Variants in CD22 observed in about 807,000 individuals in gnomAD.
The protein encoded by CD22 is B-cell receptor CD22.
Under a neutral mutation model 94.7 loss-of-function variants are expected in CD22, and 51 were observed. The observed-to-expected ratio is 0.54, with a 90% CI of 0.43 to 0.68. CD22 has a LOEUF of 0.68. Among genes scored for constraint, CD22 ranks in the 30% least tolerant of loss-of-function variants. The pLI, the probability that CD22 is intolerant of heterozygous loss-of-function variation, is 0.00. For missense variants in CD22, 931 were observed against 1,060.4 expected (o/e 0.88, Z 1.69); for synonymous variants, 424 against 422.5 (o/e 1.00, Z -0.04).
At chr19:35,345,335 C>T (rs1046335333) in intron 11 of CD22, 24 of 563,778 alleles carry the variant, frequency 4.3e-5, no homozygotes, top group Admixed American at 9.1e-5. Flanking sequence ...GCAGGAGAAT[C>T]GCTTGAACCT....
At position 35,344,853 on chromosome 19, in the gene CD22, G is replaced by A. The variant is rs371289554; in HGVS notation, c.2060G>A (p.Arg687Gln). The A allele has an allele frequency of 1.9e-5, 30 of 1,613,282 alleles. No individual in the cohort carries two copies. Among genetic ancestry groups the A allele is most frequent in the Middle Eastern group, 1.6e-4 (1 of 6,082 alleles). The change falls in exon 10 of 14, where the codon CGA becomes CAA. Residue 687 changes from arginine (R) to glutamine (Q), a missense_variant. Transcript: ENST00000085219. ...GATAGCCCGGAGACCATCGGCAGGC[G>A]AGTGGCTGTGGGACTCGGGTCCTGC... ...VYYSPETIGR[R>Q]VAVGLGSCLA...
Position 35,341,221 on chromosome 19 carries a change from G to T in CD22, c.1507+83G>T, listed in dbSNP as rs1166686369. ...TGAAGGCAACGAGGCCGGAGCCTGG[G>T]CCAGTGTCTTCAACAGAATTGAGGG... On this transcript the variant is annotated intron_variant, in intron 7 of 13. Transcript: ENST00000085219. The surrounding 1 kb of genome is among the most constrained non-coding windows in gnomAD (Gnocchi z 4.0). 6.2e-7 allele frequency: 1 copy of T among 1,602,760 alleles called. No homozygotes were observed. The highest frequency in any genetic ancestry group is 1.7e-5 in the Admixed American group (1 of 59,486).
intron 6 of CD22, 42 bp from the exon 7 acceptor site, chr19:35,340,839 A>G (rs2066797088): frequency 1.9e-6 from 3 of 1,612,282 alleles, no homozygotes; most frequent in Admixed American, 1.7e-5. Context: ...GGTACTGTGG[A>G]CAGCTGGCTT....
At chr19:35,334,000 C>T (rs537913233) in intron 3 of CD22, among the ~76,000 whole-genome samples, 3 of 152,244 alleles carry the variant, frequency 2.0e-5, no homozygotes, top group South Asian at 4.1e-4. Flanking sequence ...GCTCCCGATG[C>T]GTAGTCAGCC....
chr19:35,344,490 G>A (rs1368907506), intron 9 of CD22, among the ~76,000 whole-genome samples: 1 of 152,266 alleles, frequency 6.6e-6, no homozygotes, highest in Admixed American at 6.5e-5. Context: ...GCATTCCCAT[G>A]TGGAATTGCT....
chr19:35,335,939 G>T, intron 3 of CD22, 97 bp from the exon 4 acceptor site: 1 of 961,258 alleles, frequency 1.0e-6, no homozygotes, highest in Non-Finnish European at 1.6e-6. Context: ...GTGGCAAGGG[G>T]TTCCTGAGGG....
Position 35,336,276 on chromosome 19 carries a change from C to T in CD22, c.653C>T (p.Thr218Ile), listed in dbSNP as rs546283676. ...PQWSHHGKIV[T>I]CQLQDADGKF... ...TGGAGTCACCATGGGAAGATTGTGA[C>T]CTGCCAGCTTCAGGATGCAGATGGG... Residue 218 changes from threonine (T) to isoleucine (I), a missense_variant, in exon 4 of 14, where the codon ACC becomes ATC. Physicochemically the swap from Thr to Ile is moderately conservative, Grantham distance 89. Coordinates refer to ENST00000085219, the MANE Select transcript of CD22 (RefSeq NM_001771.4). 3 of 1,614,206 alleles carry T rather than the reference C, an allele frequency of 1.9e-6. No homozygotes were observed. The highest frequency in any genetic ancestry group is 2.2e-5 in the South Asian group (2 of 91,086).
In CD22 at chr19:35,341,912, G is replaced by A. The variant is rs1192701243; in HGVS notation, c.1982G>A (p.Gly661Glu). 4 of 1,613,908 alleles carry A rather than the reference G, an allele frequency of 2.5e-6. No individual in the cohort carries two copies. Among genetic ancestry groups the A allele is most frequent in the Non-Finnish European group, 3.4e-6 (4 of 1,179,970 alleles). Residue 661 changes from glycine to glutamate, a missense_variant, in exon 9 of 14, where the codon GGG (glycine) becomes GAG (glutamate). Gly to Glu is a moderately conservative substitution (Grantham distance 98). Transcript: ENST00000085219. The surrounding 1 kb of genome is among the most constrained non-coding windows in gnomAD (Gnocchi z 4.0). ...VQHSGAYWCQ[G>E]TNSVGKGRSP... ...CACTCGGGTGCCTACTGGTGCCAGG[G>A]GACCAACAGTGTGGGCAAGGGCCGT...
intron 4 of CD22, 95 bp downstream of exon 4, chr19:35,336,436 T>C: frequency 8.0e-7 from 1 of 1,249,050 alleles, no homozygotes; most frequent in Non-Finnish European, 1.1e-6. Context: ...GGGGGAAGCC[T>C]GCACAGACGG....
chr19:35,345,746 C>T (rs961005045), intron 12 of CD22, 26 bp downstream of exon 12: 1 of 1,473,128 alleles, frequency 6.8e-7, no homozygotes, highest in South Asian at 1.1e-5. Flanking sequence ...GGAGGGTGAC[C>T]CTGCACCCTG....
At chr19:35,338,717 C>T (rs1188415151) in intron 6 of CD22, among the ~76,000 whole-genome samples, 1 of 151,996 alleles carries the variant, frequency 6.6e-6, no homozygotes, top group Non-Finnish European at 1.5e-5. Flanking sequence ...CAAGCTCCAC[C>T]TTCCCGGGTT....
intron 11 of CD22, 35 bp from the exon 12 acceptor site, chr19:35,345,567 A>G: frequency 7.5e-7 from 1 of 1,340,028 alleles, no homozygotes; most frequent in Non-Finnish European, 1.1e-6. Flanking sequence ...GTTGGGGAAC[A>G]GGTGGTTAGC....
chr19:35,344,598 G>A (rs930869664), intron 9 of CD22: 35 of 513,808 alleles, frequency 6.8e-5, no homozygotes, highest in South Asian at 1.6e-4. Context: ...GGCTCTGGGC[G>A]TGCCACGTCT....
chr19:35,337,872 G>A lies in CD22; in HGVS notation c.836G>A (p.Trp279Ter). ...SSNPEYTTVS[W>*]LKDGTSLKKQ... Reference sequence around the variant, plus strand: ...AACCCGGAGTACACGACGGTATCCTGGCTCAAGGATGGGACCTCGCTGAAG... The same window carrying A: ...AACCCGGAGTACACGACGGTATCCTAGCTCAAGGATGGGACCTCGCTGAAG... The change falls in exon 5 of 14, where the codon TGG (tryptophan) becomes TAG (stop). Residue 279 changes from tryptophan (W) to a stop codon, truncating the protein, a stop_gained. Transcript: ENST00000085219. LOFTEE classifies it high-confidence loss of function. The surrounding 1 kb of genome is among the most constrained non-coding windows in gnomAD (Gnocchi z 4.4). 3 of 1,614,188 alleles carry A rather than the reference G, an allele frequency of 1.9e-6. No individual in the cohort carries two copies. Among genetic ancestry groups the A allele is most frequent in the Non-Finnish European group, 2.5e-6 (3 of 1,180,022 alleles).
chr19:35,341,253 G>A lies in CD22; in HGVS notation c.1508-90G>A. Reference sequence around the variant, plus strand: ...TCTTCAACAGAATTGAGGGACAGGAGCCTGGCGTCAGGGCCAAGGGGAGGG... The same window carrying A: ...TCTTCAACAGAATTGAGGGACAGGAACCTGGCGTCAGGGCCAAGGGGAGGG... On this transcript the variant is annotated intron_variant, in intron 7 of 13. Coordinates refer to ENST00000085219, the MANE Select transcript of CD22 (RefSeq NM_001771.4). The surrounding 1 kb of genome is among the most constrained non-coding windows in gnomAD (Gnocchi z 4.0). 1.3e-6 allele frequency: 2 copies of A among 1,594,184 alleles called. No homozygotes were observed. Among genetic ancestry groups the A allele is most frequent in the Non-Finnish European group, 1.7e-6 (2 of 1,167,884 alleles).
intron 3 of CD22, among the ~76,000 whole-genome samples, chr19:35,335,042 C>CACTCCAGTCCG (rs1452294079): frequency 7.3e-6 from 1 of 136,722 alleles, no homozygotes; most frequent in Middle Eastern, 4.1e-3. Context: ...CACGCCACTA[C>CACTCCAGTCCG]ACTCCAGTCC....
chr19:35,336,558 T>A, intron 4 of CD22: 1 of 557,016 alleles, frequency 1.8e-6, no homozygotes, highest in East Asian at 2.9e-5. Flanking sequence ...TGACATGAAT[T>A]GGGGATTATC....
In CD22 at chr19:35,345,198, A is replaced by G. The variant is rs7249089; in HGVS notation, c.2208+72A>G. Reference sequence around the variant, plus strand: ...TTTGGGAGGCTGAGGCAGGTGGATCACCTGAGGTCAGGAGTTCGAGACCAG... The same window carrying G: ...TTTGGGAGGCTGAGGCAGGTGGATCGCCTGAGGTCAGGAGTTCGAGACCAG... On this transcript the variant is annotated intron_variant, in intron 11 of 13. Coordinates refer to ENST00000085219, the MANE Select transcript of CD22 (RefSeq NM_001771.4). 2.3e-6 allele frequency: 3 copies of G among 1,333,246 alleles called. No homozygotes were observed. In the African/African-American group the frequency reaches 4.3e-5, roughly 19 times the overall value. 82.6% of individuals were successfully genotyped at this position (1,333,246 alleles called of 1,614,324 possible). A position where few individuals can be genotyped will look rare whatever the true frequency, so the allele number is the denominator to read the frequency against.
chr19:35,341,199 A>C lies in CD22; in HGVS notation c.1507+61A>C. The C allele has an allele frequency of 1.9e-6, 3 of 1,608,852 alleles. No homozygotes were observed. Among genetic ancestry groups the C allele is most frequent in the Non-Finnish European group, 2.6e-6 (3 of 1,176,190 alleles). On this transcript the variant is annotated intron_variant, in intron 7 of 13. Coordinates refer to ENST00000085219, the MANE Select transcript of CD22 (RefSeq NM_001771.4). This position sits in a 1 kb window ranked among gnomAD's most constrained non-coding sequence, Gnocchi z 4.0. The stretch of plus-strand genomic sequence containing the variant: ...TGGCCCGGCTGGGATGAGGGGATGA[A>C]GGCAACGAGGCCGGAGCCTGGGCCA...
Sources: gnomAD v4.1 joint callset for allele counts (sites outside exome capture counted in the v4.1 genomes callset) on GRCh38, gnomAD v4.1.1 for gene constraint, Gnocchi (gnomAD v3.1) non-coding constraint, MANE v1.5 for transcripts, NCBI Gene and HGNC (gene_info 2026-07-23, HGNC 2026-07-21) for gene names.